Variants in THAP10 observed in about 807,000 individuals in gnomAD.
The protein encoded by THAP10 is THAP domain containing 10.
Under a neutral mutation model 15.7 loss-of-function variants are expected in THAP10, and 10 were observed. The observed-to-expected ratio is 0.64, with a 90% CI of 0.39 to 1.08. The LOEUF (loss-of-function observed/expected upper bound fraction) is 1.08. Among genes scored for constraint, THAP10 ranks in the 50% least tolerant of loss-of-function variants. The probability of loss-of-function intolerance (pLI) is 0.01; values close to 1 mark genes in which losing one functional copy is unlikely to be tolerated. For missense variants in THAP10, 310 were observed against 330.9 expected, an observed-to-expected ratio of 0.94 and a Z score of 0.49; for synonymous variants, 127 against 129.1, an observed-to-expected ratio of 0.98 and a Z score of 0.11.
At chr15:70,886,857 CTCTG>C (rs2033422366) in intron 1 of THAP10, among the ~76,000 whole-genome samples, 2 of 150,938 alleles carry the variant, frequency 1.3e-5, no homozygotes, top group Admixed American at 6.6e-5. Flanking sequence ...CAGAGTGAGC[CTCTG>C]TCTAAAAAAG....
At chr15:70,889,455 C>T (rs1362198365) in intron 1 of THAP10, among the ~76,000 whole-genome samples, 1 of 152,000 alleles carries the variant, frequency 6.6e-6, no homozygotes, top group Non-Finnish European at 1.5e-5. Context: ...TAGCAATGTT[C>T]TGTTTCTTTG....
chr15:70,882,802 C>T lies in THAP10; in HGVS notation c.536G>A (p.Ser179Asn). 6 of 1,614,110 alleles carry T rather than the reference C, an allele frequency of 3.7e-6. No homozygotes were observed. Among genetic ancestry groups the T allele is most frequent in the Non-Finnish European group, 5.1e-6 (6 of 1,180,014 alleles). The change falls in exon 2 of 3, where the codon AGT becomes AAT. Residue 179 changes from serine to asparagine, a missense_variant. Physicochemically the swap from Ser to Asn is conservative, Grantham distance 46. Transcript: ENST00000249861. Reference protein sequence around the residue: ...THCEEGPVHKSTQISLKRPRH... With the variant: ...THCEEGPVHKNTQISLKRPRH... The stretch of plus-strand genomic sequence containing the variant: ...GGGCCTTTTCAAAGAAATTTGTGTA[C>T]TTTTATGCACTGGGCCTTCTTCACA...
intron 1 of THAP10, among the ~76,000 whole-genome samples, chr15:70,884,409 A>C (rs2033348157): frequency 6.6e-6 from 1 of 152,050 alleles, no homozygotes; most frequent in African/African-American, 2.4e-5. Context: ...TACATCAGCT[A>C]TTCGGGAGGC....
intron 1 of THAP10, among the ~76,000 whole-genome samples, chr15:70,885,389 CCTTT>C (rs1330470135): frequency 1.3e-5 from 2 of 152,056 alleles, no homozygotes; most frequent in Non-Finnish European, 2.9e-5. Context: ...TACTATAAAC[CCTTT>C]CTATTTATCA....
At chr15:70,886,099 C>T (rs1239277058) in intron 1 of THAP10, among the ~76,000 whole-genome samples, 2 of 151,946 alleles carry the variant, frequency 1.3e-5, no homozygotes, top group African/African-American at 4.8e-5. Flanking sequence ...AAGATAAAAT[C>T]ACAATGGAAA....
intron 1 of THAP10, among the ~76,000 whole-genome samples, chr15:70,888,246 A>G (rs2033461858): frequency 6.6e-6 from 1 of 152,188 alleles, no homozygotes; most frequent in South Asian, 2.1e-4. Flanking sequence ...AACATGAACA[A>G]GGTAAGAGGT....
intron 1 of THAP10, among the ~76,000 whole-genome samples, chr15:70,891,175 C>T (rs1284495190): frequency 6.6e-6 from 1 of 151,968 alleles, no homozygotes; most frequent in Non-Finnish European, 1.5e-5. Flanking sequence ...TAAAATGGTA[C>T]GTGGGGAAGA....
Position 70,891,724 on chromosome 15 carries a change from C to T in THAP10, c.429+120G>A, listed in dbSNP as rs376941609. 2.3e-5 allele frequency: 21 copies of T among 912,626 alleles called. 1 individual carries two copies. In the African/African-American group the frequency reaches 3.2e-4, roughly 14 times the overall value. 56.5% of individuals were successfully genotyped at this position (912,626 alleles called of 1,614,324 possible). A position where few individuals can be genotyped will look rare whatever the true frequency, so the allele number is the denominator to read the frequency against. ...GATCACCTCTAAAGCACACCCCTAA[C>T]TTTGCAGATTAGAAAACAGGAACTT... On this transcript the variant is annotated intron_variant, in intron 1 of 2. Transcript: ENST00000249861.
chr15:70,891,564 ACT>A (rs1033824422), intron 1 of THAP10, among the ~76,000 whole-genome samples: 7 of 121,816 alleles, frequency 5.7e-5, no homozygotes, highest in South Asian at 5.6e-4. Flanking sequence ...GCAGGACAAG[ACT>A]CTGTGTGTGT....
Position 70,891,945 on chromosome 15 carries a change from C to T in THAP10, c.328G>A (p.Asp110Asn). ...GCTGCCTGGAGCTCTCCTCGCGTGT[C>T]CAGGCGGCCTGCTTGGTCTCCCTCC... The part of the protein sequence containing the change: ...GEEGDQAGRL[D>N]TRGELQAARH... The change falls in exon 1 of 3, where the codon GAC becomes AAC. Residue 110 changes from aspartate to asparagine, a missense_variant. Coordinates refer to ENST00000249861, the MANE Select transcript of THAP10 (RefSeq NM_020147.4). 2.5e-6 allele frequency: 4 copies of T among 1,613,678 alleles called. No individual in the cohort carries two copies. The highest frequency in any genetic ancestry group is 3.4e-6 in the Non-Finnish European group (4 of 1,179,882).
rs771584298 is a variant in THAP10 at position 70,892,206 on chromosome 15, AG to A, written c.66del (p.Lys25ArgfsTer55). On this transcript the variant is annotated frameshift_variant, in exon 1 of 3. Transcript: ENST00000249861. LOFTEE classifies it high-confidence loss of function. Reference protein sequence around the residue: ...NTTKSGKSLFRFPKDRAVRLL... With the variant: ...NTTKSGKSLFXFPKDRAVRLL... ...AGCCGCACGGCCCGGTCCTTGGGAA[AG>A]CGGAACAGCGACTTCCCAGACTTGG... is the stretch of plus-strand genomic sequence containing the variant. The A allele has an allele frequency of 2.2e-5, 36 of 1,602,870 alleles. 1 individual carries two copies. In the South Asian group the frequency reaches 4.0e-4, roughly 18 times the overall value.
rs748121604 is a variant in THAP10, at chr15:70,892,096, G to C, written c.177C>G (p.Ala59=). The C allele has an allele frequency of 1.2e-6, 2 of 1,614,020 alleles. No homozygotes were observed. The highest frequency in any genetic ancestry group is 1.1e-5 in the South Asian group (1 of 91,062). Residue 59 remains alanine, a synonymous_variant, in exon 1 of 3, where the codon GCC becomes GCG. Transcript: ENST00000249861. ...DRSVICSDHF[A]PACFDVSSVI... The stretch of plus-strand genomic sequence containing the variant: ...CCGAAGAGACGTCAAAACAGGCTGG[G>C]GCAAAGTGGTCAGAGCAGATGACCG...
intron 1 of THAP10, among the ~76,000 whole-genome samples, chr15:70,883,955 G>A (rs368050407): frequency 9.9e-5 from 15 of 151,952 alleles, no homozygotes; most frequent in East Asian, 9.7e-4. Context: ...TGTGCCAGGC[G>A]GTGAAATTTG....
In THAP10 at chr15:70,882,470, T is replaced by G; in HGVS notation, c.758A>C (p.Lys253Thr). 6.2e-7 allele frequency: 1 copy of G among 1,610,942 alleles called. No homozygotes were observed. The highest frequency in any genetic ancestry group is 8.5e-7 in the Non-Finnish European group (1 of 1,178,962). Reference sequence around the variant, plus strand: ...GTTGAGTTTTTAACATGTTTCTTCTTTCACCTGTACAGCCATATAAGACAA... The same window carrying G: ...GTTGAGTTTTTAACATGTTTCTTCTGTCACCTGTACAGCCATATAAGACAA... ...SDLSYMAVQV[K>T]EETC The change falls in exon 3 of 3, where the codon AAA becomes ACA. Residue 253 changes from lysine (K) to threonine (T), a missense_variant. Coordinates refer to ENST00000249861, the MANE Select transcript of THAP10 (RefSeq NM_020147.4).
chr15:70,891,882 T>A lies in THAP10; in HGVS notation c.391A>T (p.Thr131Ser). ...SEAAPGPVSCTRPRAGKQAAA... is the reference protein window; with the variant it reads ...SEAAPGPVSCSRPRAGKQAAA... ...GCCTGCTTCCCAGCTCGGGGGCGTG[T>A]ACAGGAGACTGGACCTGGGGCAGCC... is the stretch of plus-strand genomic sequence containing the variant. Residue 131 changes from threonine to serine, a missense_variant, in exon 1 of 3, where the codon ACA becomes TCA. Transcript: ENST00000249861. 4 of 1,611,810 alleles carry A rather than the reference T, an allele frequency of 2.5e-6. No homozygotes were observed. Among genetic ancestry groups the A allele is most frequent in the Non-Finnish European group, 3.4e-6 (4 of 1,179,462 alleles).
At chr15:70,891,814 C>T in intron 1 of THAP10, 30 bp downstream of exon 1, 1 of 1,514,254 alleles carries the variant, frequency 6.6e-7, no homozygotes, top group Non-Finnish European at 8.8e-7. Flanking sequence ...TCCAGGGGTC[C>T]TTACACAACC....
chr15:70,889,609 A>G (rs2033501592), intron 1 of THAP10, among the ~76,000 whole-genome samples: 1 of 152,230 alleles, frequency 6.6e-6, no homozygotes. Context: ...AGAATGCAAA[A>G]TTAACAGTTA....
intron 1 of THAP10, among the ~76,000 whole-genome samples, chr15:70,887,909 A>C (rs889452729): frequency 3.9e-5 from 6 of 152,212 alleles, no homozygotes; most frequent in African/African-American, 1.4e-4. Flanking sequence ...ATTTATCAAT[A>C]TGCACTTATA....
intron 1 of THAP10, among the ~76,000 whole-genome samples, chr15:70,884,847 AAAG>A (rs1015256598): frequency 6.6e-6 from 1 of 152,186 alleles, no homozygotes; most frequent in Non-Finnish European, 1.5e-5. Flanking sequence ...AGAGAAGCAA[AAAG>A]AAGCTAAAAA....
Sources: gnomAD v4.1 joint callset for allele counts (sites outside exome capture counted in the v4.1 genomes callset) on GRCh38, gnomAD v4.1.1 for gene constraint, MANE v1.5 for transcripts, NCBI Gene and HGNC (gene_info 2026-07-23, HGNC 2026-07-21) for gene names.